Variants in COX7B2 observed in about 807,000 individuals in gnomAD.
COX7B2 encodes the protein cytochrome c oxidase subunit 7B2, also known as cytochrome c oxidase subunit 7B2, mitochondrial.
For missense variants in COX7B2, 109 were observed against 95.9 expected (o/e 1.14, Z -0.57); for synonymous variants, 37 against 32.1 (o/e 1.15, Z -0.51).
chr4:46,760,214 C>A lies in COX7B2; in HGVS notation c.-49-24973G>T, dbSNP rs563222565. Among the ~76,000 whole-genome samples, 9 of 152,148 alleles carry A rather than the reference C, an allele frequency of 5.9e-5. No homozygotes were observed. In the South Asian group the frequency reaches 1.9e-3, roughly 32 times the overall value. ...CAGCAATTCCATTAGTGGATATATA[C>A]CCAAAGGATTATAAATCATTCTACT... is the stretch of plus-strand genomic sequence containing the variant. On this transcript the variant is annotated intron_variant, in intron 2 of 2. Transcript: ENST00000355591.
intron 2 of COX7B2, among the ~76,000 whole-genome samples, chr4:46,781,889 C>T (rs1053536984): frequency 5.3e-5 from 8 of 152,196 alleles, no homozygotes; most frequent in African/African-American, 1.9e-4. Context: ...TCAGCCGCCT[C>T]CCCGTGTGGC....
At chr4:46,762,261 A>G (rs1006697152) in intron 2 of COX7B2, among the ~76,000 whole-genome samples, 11 of 140,096 alleles carry the variant, frequency 7.9e-5, no homozygotes, top group African/African-American at 2.9e-4. Context: ...TTAATATATA[A>G]TATATTTAAT....
chr4:46,767,858 A>T (rs548625901), intron 2 of COX7B2, among the ~76,000 whole-genome samples: 1 of 152,370 alleles, frequency 6.6e-6, no homozygotes, highest in Non-Finnish European at 1.5e-5. Flanking sequence ...GTTTATAGTG[A>T]TAATGAGGTG....
intron 2 of COX7B2, among the ~76,000 whole-genome samples, chr4:46,838,357 T>C (rs1009127501): frequency 1.4e-4 from 21 of 152,172 alleles, no homozygotes; most frequent in African/African-American, 5.1e-4. Context: ...CATGCAAACA[T>C]GTATAATATA....
chr4:46,754,728 G>GTGTGTGTATATATATATATATA (rs1333586285), intron 2 of COX7B2, among the ~76,000 whole-genome samples: 1 of 39,866 alleles, frequency 2.5e-5, no homozygotes, highest in Non-Finnish European at 4.1e-5. Context: ...GTGTGTGTGT[G>GTGTGTGTATATATATATATATA]TATATATATA....
intron 2 of COX7B2, among the ~76,000 whole-genome samples, chr4:46,807,538 T>C (rs190293312): frequency 2.5e-4 from 38 of 151,992 alleles, no homozygotes; most frequent in African/African-American, 8.2e-4. Context: ...TTTATTTTTG[T>C]TTTTTGTGGC....
intron 1 of COX7B2, among the ~76,000 whole-genome samples, chr4:46,872,784 T>C (rs1251630843): frequency 6.6e-6 from 1 of 152,134 alleles, no homozygotes; most frequent in African/African-American, 2.4e-5. Flanking sequence ...ATCCACAAAA[T>C]GGGGATAATT....
intron 2 of COX7B2, among the ~76,000 whole-genome samples, chr4:46,738,612 C>T (rs1406620247): frequency 1.3e-5 from 2 of 152,026 alleles, no homozygotes; most frequent in Non-Finnish European, 2.9e-5. Flanking sequence ...ACCCATATTA[C>T]ATACCTCTAC....
At chr4:46,774,358 G>A (rs59394167) in intron 2 of COX7B2, among the ~76,000 whole-genome samples, 5,120 of 151,886 alleles carry the variant, frequency 0.034, 227 homozygotes, top group African/African-American at 0.1. Context: ...TTGTCTTCAA[G>A]TTCAGAGAAA....
chr4:46,773,163 A>C (rs1716972214), intron 2 of COX7B2, among the ~76,000 whole-genome samples: 1 of 152,162 alleles, frequency 6.6e-6, no homozygotes, highest in African/African-American at 2.4e-5. Flanking sequence ...ATAGAAAAAT[A>C]GTTTTCTACT....
chr4:46,888,441 CTTTT>C (rs901316950), intron 1 of COX7B2, among the ~76,000 whole-genome samples: 1 of 145,540 alleles, frequency 6.9e-6, no homozygotes, highest in African/African-American at 2.5e-5. Context: ...ATGTTTCTTC[CTTTT>C]TTTTTTTCTT....
chr4:46,846,564 G>A (rs531125481), intron 1 of COX7B2, among the ~76,000 whole-genome samples: 1 of 151,964 alleles, frequency 6.6e-6, no homozygotes, highest in African/African-American at 2.4e-5. Flanking sequence ...GAGTGTTCCA[G>A]TAAAAGGGAA....
At chr4:46,760,742 A>C (rs965056629) in intron 2 of COX7B2, among the ~76,000 whole-genome samples, 3 of 152,170 alleles carry the variant, frequency 2.0e-5, no homozygotes, top group African/African-American at 7.2e-5. Context: ...GCAAAACCAA[A>C]TAAAATTTCT....
intron 2 of COX7B2, among the ~76,000 whole-genome samples, chr4:46,834,491 A>G (rs750857484): frequency 6.6e-6 from 1 of 152,156 alleles, no homozygotes; most frequent in East Asian, 1.9e-4. Flanking sequence ...TAGGATAAAC[A>G]TGGCATAGCA....
intron 2 of COX7B2, among the ~76,000 whole-genome samples, chr4:46,772,742 G>A (rs1204146992): frequency 6.6e-6 from 1 of 151,940 alleles, no homozygotes. Context: ...AACTTATGCA[G>A]GATTGTTTTG....
chr4:46,770,779 G>T (rs376091325), intron 2 of COX7B2, among the ~76,000 whole-genome samples: 1 of 151,982 alleles, frequency 6.6e-6, no homozygotes, highest in East Asian at 1.9e-4. Context: ...CCATATCCAA[G>T]AATATAAAAT....
intron 2 of COX7B2, among the ~76,000 whole-genome samples, chr4:46,748,500 GACA>G (rs961522304): frequency 1.3e-5 from 2 of 152,132 alleles, no homozygotes; most frequent in Non-Finnish European, 2.9e-5. Flanking sequence ...TCCAGGTTCA[GACA>G]ACTATTCAAA....
chr4:46,871,328 T>C (rs984775642), intron 1 of COX7B2, among the ~76,000 whole-genome samples: 1 of 152,108 alleles, frequency 6.6e-6, no homozygotes, highest in African/African-American at 2.4e-5. Context: ...TTACACCATA[T>C]ACAAAAATCA....
chr4:46,746,592 C>A (rs942684823), intron 2 of COX7B2, among the ~76,000 whole-genome samples: 1 of 152,200 alleles, frequency 6.6e-6, no homozygotes, highest in Admixed American at 6.5e-5. Flanking sequence ...ACTAGATTTT[C>A]TAAAGTTTCT....
Sources: allele counts gnomAD v4.1 joint callset (sites outside exome capture counted in the v4.1 genomes callset), GRCh38; gene constraint gnomAD v4.1.1; transcripts MANE v1.5; gene names NCBI Gene and HGNC (gene_info 2026-07-23, HGNC 2026-07-21).